Variants in SLC12A6 observed in about 807,000 individuals in gnomAD.
The protein encoded by SLC12A6 is K-Cl cotransporter 3.
In SLC12A6, 66 loss-of-function variants were observed where a neutral mutation model predicts 135.3. The observed-to-expected ratio is 0.49, with a 90% CI of 0.40 to 0.60. The LOEUF (loss-of-function observed/expected upper bound fraction) is 0.60. Among genes scored for constraint, SLC12A6 ranks in the 20% least tolerant of loss-of-function variants. The pLI, the probability that SLC12A6 is intolerant of heterozygous loss-of-function variation, is 0.00. For synonymous variants in SLC12A6, 513 were observed against 508.8 expected, an observed-to-expected ratio of 1.01 and a Z score of -0.11; for missense variants, 1,058 against 1,452.3, an observed-to-expected ratio of 0.73 and a Z score of 4.41.
intron 2 of SLC12A6, among the ~76,000 whole-genome samples, chr15:34,316,736 G>T (rs1023698563): frequency 1.3e-5 from 2 of 152,190 alleles, no homozygotes; most frequent in Non-Finnish European, 2.9e-5. Flanking sequence ...GTTGCTAACA[G>T]ATTGAATGAT....
chr15:34,285,700 G>A (rs1357961848), intron 2 of SLC12A6, among the ~76,000 whole-genome samples: 21 of 1,114 alleles, frequency 0.019, 1 homozygote, highest in Non-Finnish European at 0.027. Flanking sequence ...ATATGTGTGT[G>A]TGTGTGTGTG....
At chr15:34,298,399 C>T (rs1407219716) in intron 2 of SLC12A6, among the ~76,000 whole-genome samples, 8 of 151,912 alleles carry the variant, frequency 5.3e-5, no homozygotes, top group Admixed American at 4.6e-4. Flanking sequence ...TGCTTGAACC[C>T]GGGAGGCGGA....
intron 2 of SLC12A6, among the ~76,000 whole-genome samples, chr15:34,320,155 T>G (rs1888966087): frequency 2.0e-5 from 3 of 152,230 alleles, no homozygotes; most frequent in African/African-American, 7.2e-5. Flanking sequence ...TAAATTTAAC[T>G]GAAGCAATGA....
At chr15:34,249,072 G>A (rs1474182760) in intron 13 of SLC12A6, among the ~76,000 whole-genome samples, 3 of 152,156 alleles carry the variant, frequency 2.0e-5, no homozygotes, top group Non-Finnish European at 4.4e-5. Flanking sequence ...CTGAAGCAGG[G>A]AGGTTTGTAT....
chr15:34,283,904 C>T (rs1411664617), intron 2 of SLC12A6, among the ~76,000 whole-genome samples: 1 of 152,056 alleles, frequency 6.6e-6, no homozygotes, highest in Non-Finnish European at 1.5e-5. Context: ...TGTGCCACTA[C>T]ACCCAGCCAG....
At position 34,285,168 on chromosome 15, in the gene SLC12A6, C is replaced by T. The variant is rs186585735; in HGVS notation, c.272-9779G>A. ...TTAACATGATCACAACAGCTATAGTCTGGAATGAGCAGATAGCAGGGACCA... is the reference window on the plus strand; with the variant it reads ...TTAACATGATCACAACAGCTATAGTTTGGAATGAGCAGATAGCAGGGACCA... On this transcript the variant is annotated intron_variant, in intron 2 of 25. Coordinates refer to ENST00000354181, the MANE Select transcript of SLC12A6 (RefSeq NM_001365088.1). Among the ~76,000 whole-genome samples the T allele has an allele frequency of 1.8e-4, 28 of 152,220 alleles. No homozygotes were observed. The East Asian group carries it at 3.3e-3, about 18-fold the overall frequency.
At chr15:34,270,357 T>TA (rs1475210413) in intron 3 of SLC12A6, among the ~76,000 whole-genome samples, 4 of 152,134 alleles carry the variant, frequency 2.6e-5, no homozygotes, top group Non-Finnish European at 4.4e-5. Flanking sequence ...CTCAGCCTCC[T>TA]AAAGTGCTGG....
At chr15:34,308,102 T>C (rs1050987438) in intron 2 of SLC12A6, among the ~76,000 whole-genome samples, 2 of 152,228 alleles carry the variant, frequency 1.3e-5, no homozygotes, top group Non-Finnish European at 2.9e-5. Flanking sequence ...TTTTTCTTAA[T>C]ATATTAAAAA....
In SLC12A6 at chr15:34,275,372, T is replaced by C. The variant is rs762859105; in HGVS notation, c.289A>G (p.Ile97Val). 3.0e-5 allele frequency: 47 copies of C among 1,543,858 alleles called. No individual in the cohort carries two copies. The highest frequency in any genetic ancestry group is 3.9e-5 in the Non-Finnish European group (44 of 1,116,732). ...DVIEDLSQNS[I>V]TGEHSQLLDD... is the part of the protein sequence containing the mutation. ...AACAGTTGGCTGTGTTCCCCTGTGA[T>C]GGAGTTCTGACTCAGGTCTGAAAAA... The change falls in exon 3 of 26, where the codon ATC becomes GTC. Residue 97 changes from isoleucine (I) to valine (V), a missense_variant. This residue lies in a region of SLC12A6 where 176 missense variants were observed against 168.9 expected (regional missense o/e 1.04). Transcript: ENST00000354181.
chr15:34,282,844 A>G (rs1020806063), intron 2 of SLC12A6, among the ~76,000 whole-genome samples: 6 of 152,190 alleles, frequency 3.9e-5, no homozygotes, highest in Admixed American at 3.9e-4. Context: ...AACCCTAATG[A>G]CTCAATTTTA....
At chr15:34,323,003 A>AAAG (rs1889215087) in intron 2 of SLC12A6, among the ~76,000 whole-genome samples, 1 of 143,004 alleles carries the variant, frequency 7.0e-6, no homozygotes, top group African/African-American at 2.6e-5. Flanking sequence ...AAAAAAAAAA[A>AAAG]GGAAAGAAAG....
intron 2 of SLC12A6, among the ~76,000 whole-genome samples, chr15:34,280,777 C>G (rs1018207771): frequency 4.6e-5 from 7 of 152,144 alleles, no homozygotes; most frequent in Non-Finnish European, 8.8e-5. Flanking sequence ...ATGGACTCAA[C>G]CTGGGTGTCC....
intron 2 of SLC12A6, among the ~76,000 whole-genome samples, chr15:34,302,488 G>C (rs1343407827): frequency 6.6e-6 from 1 of 152,208 alleles, no homozygotes; most frequent in African/African-American, 2.4e-5. Flanking sequence ...TTGAGGTCAG[G>C]AGTTTGAGAC....
chr15:34,328,626 C>T (rs1451372993), intron 2 of SLC12A6, among the ~76,000 whole-genome samples: 3 of 152,170 alleles, frequency 2.0e-5, no homozygotes, highest in Admixed American at 6.5e-5. Flanking sequence ...CACCTGTAAT[C>T]CTAGCACTTT....
In SLC12A6 at chr15:34,257,664, A is replaced by G. The variant is rs746236247; in HGVS notation, c.668T>C (p.Ile223Thr). 2.5e-5 allele frequency: 40 copies of G among 1,613,890 alleles called. No individual in the cohort carries two copies. The highest frequency in any genetic ancestry group is 3.4e-5 in the Non-Finnish European group (40 of 1,179,788). The change falls in exon 6 of 26, where the codon ATT (isoleucine) becomes ACT (threonine). Residue 223 changes from isoleucine (I) to threonine (T), a missense_variant. Ile to Thr is a moderately conservative substitution (Grantham distance 89, BLOSUM62 -1). This residue lies in a region of SLC12A6 where 139 missense variants were observed against 202.2 expected (regional missense o/e 0.69). Transcript: ENST00000354181. ...TACACAGCAGCAGCAGATAAGGACA[A>G]TTGCAAAAGCCTGAAGAACTCCAGC... Reference protein sequence around the residue: ...GTAGVLQAFAIVLICCCCTML... With the variant: ...GTAGVLQAFATVLICCCCTML...
chr15:34,238,522 G>A, intron 20 of SLC12A6, 121 bp from the exon 21 acceptor site: 1 of 768,134 alleles, frequency 1.3e-6, no homozygotes, highest in Non-Finnish European at 2.2e-6. Flanking sequence ...TATTTACTTA[G>A]TAGGTTATTT....
chr15:34,293,594 G>A (rs962600987), intron 2 of SLC12A6, among the ~76,000 whole-genome samples: 4 of 152,080 alleles, frequency 2.6e-5, no homozygotes, highest in Admixed American at 1.3e-4. Context: ...ATGAGCCATC[G>A]CGCCTAGCCT....
At chr15:34,332,696 T>A (rs966090714) in intron 2 of SLC12A6, among the ~76,000 whole-genome samples, 18 of 151,334 alleles carry the variant, frequency 1.2e-4, no homozygotes, top group Admixed American at 8.5e-4. Context: ...GGCTGGAGAA[T>A]CACTTGGACC....
chr15:34,245,932 A>T (rs1051766020), intron 13 of SLC12A6, 65 bp from the exon 14 acceptor site: 18 of 1,285,482 alleles, frequency 1.4e-5, no homozygotes, highest in Admixed American at 3.7e-5. Context: ...GACTAGAGAT[A>T]TTCACCCAAT....
Sources: allele counts gnomAD v4.1 joint callset (sites outside exome capture counted in the v4.1 genomes callset), GRCh38; gene constraint gnomAD v4.1.1; regional missense constraint gnomAD v4.1.1; transcripts MANE v1.5; gene names NCBI Gene and HGNC (gene_info 2026-07-23, HGNC 2026-07-21).